Variants in IL18 observed in about 807,000 individuals in gnomAD.
IL18 encodes interleukin-18.
Under a neutral mutation model 14.2 loss-of-function variants are expected in IL18, and 8 were observed. The observed-to-expected ratio is 0.56, with a 90% CI of 0.33 to 1.01. The LOEUF is 1.01. Among genes scored for constraint, IL18 ranks in the 50% least tolerant of loss-of-function variants. The pLI is 0.03. For missense variants in IL18, 166 were observed against 231.1 expected (o/e 0.72, Z 1.83); for synonymous variants, 67 against 71.0 (o/e 0.94, Z 0.28).
At chr11:112,156,741 G>C (rs1313186883) in intron 1 of IL18, among the ~76,000 whole-genome samples, 1 of 150,770 alleles carries the variant, frequency 6.6e-6, no homozygotes, top group East Asian at 1.9e-4. Flanking sequence ...CACCATGCCT[G>C]GCCAACACAT....
intron 1 of IL18, among the ~76,000 whole-genome samples, chr11:112,161,786 C>G (rs1866636902): frequency 6.6e-6 from 1 of 152,138 alleles, no homozygotes; most frequent in Non-Finnish European, 1.5e-5. Flanking sequence ...GGTGACACAG[C>G]AGGGCTCCAT....
At chr11:112,151,739 G>T (rs1866442458) in intron 3 of IL18, among the ~76,000 whole-genome samples, 1 of 152,190 alleles carries the variant, frequency 6.6e-6, no homozygotes, top group Non-Finnish European at 1.5e-5. Context: ...TCTAAAAGCT[G>T]TGTTCTGGCC....
At chr11:112,157,407 T>G (rs1322316028) in intron 1 of IL18, among the ~76,000 whole-genome samples, 2 of 152,228 alleles carry the variant, frequency 1.3e-5, no homozygotes, top group Non-Finnish European at 2.9e-5. Context: ...TTTGAGCTGA[T>G]TCACCAGTTA....
chr11:112,159,302 A>C (rs1277614137), intron 1 of IL18, among the ~76,000 whole-genome samples: 1 of 152,118 alleles, frequency 6.6e-6, no homozygotes, highest in Non-Finnish European at 1.5e-5. Context: ...GCTCCACTGC[A>C]CTTCAGCCTG....
chr11:112,149,149 G>C (rs541498956), intron 4 of IL18, among the ~76,000 whole-genome samples: 1 of 151,920 alleles, frequency 6.6e-6, no homozygotes, highest in Non-Finnish European at 1.5e-5. Flanking sequence ...AAATTAGCCG[G>C]GTGTAAGTGG....
intron 5 of IL18, among the ~76,000 whole-genome samples, chr11:112,145,749 A>G (rs1172134018): frequency 7.0e-6 from 1 of 142,536 alleles, no homozygotes; most frequent in Non-Finnish European, 1.6e-5. Flanking sequence ...AAAAAAAAAG[A>G]AAAAAAGAAA....
intron 2 of IL18, 121 bp from the exon 3 acceptor site, chr11:112,153,724 T>C (rs1226270139): frequency 1.6e-6 from 1 of 621,050 alleles, no homozygotes; most frequent in African/African-American, 1.8e-5. Context: ...TTTTTATGGT[T>C]TAAGGGTCTG....
chr11:112,153,379 A>G (rs1267075565), intron 3 of IL18: 1 of 403,558 alleles, frequency 2.5e-6, no homozygotes, highest in African/African-American at 2.1e-5. Context: ...GAATTTTTTA[A>G]GGCATAGAGA....
chr11:112,155,554 A>G (rs1866517874), intron 1 of IL18, among the ~76,000 whole-genome samples: 1 of 152,170 alleles, frequency 6.6e-6, no homozygotes, highest in African/African-American at 2.4e-5. Context: ...CTGAGGGTAC[A>G]GGCAGGGTGG....
At chr11:112,154,232 A>C (rs1173726627) in intron 2 of IL18, among the ~76,000 whole-genome samples, 1 of 152,296 alleles carries the variant, frequency 6.6e-6, no homozygotes, top group East Asian at 1.9e-4. Flanking sequence ...AATCATAAGA[A>C]TCAATTTTTA....
intron 1 of IL18, among the ~76,000 whole-genome samples, chr11:112,162,292 G>A (rs377729985): frequency 1.3e-5 from 2 of 151,170 alleles, no homozygotes; most frequent in African/African-American, 4.9e-5. Flanking sequence ...TCAAAACAAT[G>A]TTGTGGTGGG....
At position 112,153,915 on chromosome 11, in the gene IL18, T is replaced by C. The variant is rs1032070287; in HGVS notation, c.80-312A>G. Among the ~76,000 whole-genome samples, 8 of 152,284 alleles carry C rather than the reference T, an allele frequency of 5.3e-5. No individual in the cohort carries two copies. The East Asian group carries it at 9.6e-4, about 18-fold the overall frequency. ...AGATTTTACTTTTAAATTTATTGCT[T>C]AAACGGAAAGTCACCTAAGAAAAGT... is the stretch of plus-strand genomic sequence containing the variant. On this transcript the variant is annotated intron_variant, in intron 2 of 5. Transcript: ENST00000280357.
chr11:112,147,002 C>T (rs922799901), intron 5 of IL18, among the ~76,000 whole-genome samples: 1 of 147,684 alleles, frequency 6.8e-6, no homozygotes, highest in Non-Finnish European at 1.5e-5. Context: ...ACGATCTAGG[C>T]TCATCGCAAC....
At chr11:112,144,494 A>C (rs1329746313) in intron 5 of IL18, among the ~76,000 whole-genome samples, 2 of 152,178 alleles carry the variant, frequency 1.3e-5, no homozygotes, top group Admixed American at 1.3e-4. Context: ...TGACCCTCCC[A>C]CTTCGGCCTC....
intron 5 of IL18, among the ~76,000 whole-genome samples, chr11:112,144,994 G>T (rs918189210): frequency 2.6e-5 from 4 of 152,202 alleles, no homozygotes; most frequent in African/African-American, 4.8e-5. Flanking sequence ...ACCACCTAAG[G>T]TTCTTCCATG....
At chr11:112,147,519 C>G (rs1295865978) in intron 5 of IL18, among the ~76,000 whole-genome samples, 1 of 152,154 alleles carries the variant, frequency 6.6e-6, no homozygotes. Flanking sequence ...CCCTACCCTT[C>G]CATCCCAGGC....
chr11:112,146,115 T>G (rs1866338604), intron 5 of IL18, among the ~76,000 whole-genome samples: 2 of 150,826 alleles, frequency 1.3e-5, no homozygotes, highest in South Asian at 4.2e-4. Context: ...ATCTCCCAAG[T>G]GCACTGGAAA....
At chr11:112,145,477 C>T (rs966954447) in intron 5 of IL18, among the ~76,000 whole-genome samples, 4 of 152,170 alleles carry the variant, frequency 2.6e-5, no homozygotes, top group East Asian at 1.9e-4. Flanking sequence ...CGATGGCTCA[C>T]GCCTGTAATC....
chr11:112,146,198 A>T (rs360729), intron 5 of IL18, among the ~76,000 whole-genome samples: 41,825 of 152,002 alleles, frequency 0.28, 5,989 homozygotes, highest in Admixed American at 0.32. Context: ...TGAAACAGAC[A>T]CTGACAGTAA....
Sources: gnomAD v4.1 joint callset for allele counts (sites outside exome capture counted in the v4.1 genomes callset) on GRCh38, gnomAD v4.1.1 for gene constraint, MANE v1.5 for transcripts, NCBI Gene and HGNC (gene_info 2026-07-23, HGNC 2026-07-21) for gene names.